The following CTNNA3 variants were observed in gnomAD, a reference collection of about 807,000 sequenced individuals.
CTNNA3 encodes catenin alpha 3.
A neutral mutation model predicts 95.7 loss-of-function variants in CTNNA3; 76 were observed. The observed-to-expected ratio is 0.79, with a 90% CI of 0.66 to 0.96. CTNNA3 has a LOEUF of 0.96. Ranked by LOEUF, CTNNA3 falls within the 40% of genes least tolerant of loss-of-function variation. The pLI is 0.00. For synonymous variants in CTNNA3, 431 were observed against 374.4 expected, an observed-to-expected ratio of 1.15 and a Z score of -1.74; for missense variants, 1,191 against 1,089.8, an observed-to-expected ratio of 1.09 and a Z score of -1.31.
chr10:67,515,859 A>G (rs995533318), intron 5 of CTNNA3, among the ~76,000 whole-genome samples: 3 of 152,206 alleles, frequency 2.0e-5, no homozygotes, highest in Admixed American at 6.5e-5. Context: ...CTAGAAGCTT[A>G]GCACCTCCCC....
intron 17 of CTNNA3, among the ~76,000 whole-genome samples, chr10:65,951,214 A>T (rs1476505373): frequency 6.6e-6 from 1 of 152,158 alleles, no homozygotes; most frequent in Non-Finnish European, 1.5e-5. Flanking sequence ...AGCATAATAT[A>T]ATTTGTCAGT....
At chr10:67,361,290 A>G (rs1322641934) in intron 5 of CTNNA3, among the ~76,000 whole-genome samples, 1 of 152,166 alleles carries the variant, frequency 6.6e-6, no homozygotes, top group Non-Finnish European at 1.5e-5. Context: ...ATAAACATCT[A>G]CAGAATACTC....
intron 7 of CTNNA3, among the ~76,000 whole-genome samples, chr10:66,864,888 T>C (rs1165581427): frequency 1.3e-5 from 2 of 152,022 alleles, no homozygotes; most frequent in Non-Finnish European, 2.9e-5. Flanking sequence ...ATATAAAATG[T>C]CTGTTATAAA....
intron 7 of CTNNA3, among the ~76,000 whole-genome samples, chr10:67,113,869 A>G (rs1271750391): frequency 6.6e-6 from 1 of 152,184 alleles, no homozygotes; most frequent in Non-Finnish European, 1.5e-5. Flanking sequence ...AAATACTTAA[A>G]AAGAATTTTT....
intron 7 of CTNNA3, among the ~76,000 whole-genome samples, chr10:67,038,668 C>T (rs1185552072): frequency 6.6e-6 from 1 of 152,008 alleles, no homozygotes; most frequent in African/African-American, 2.4e-5. Flanking sequence ...GAATTGCTTA[C>T]AAAATTTTCC....
At chr10:66,467,277 C>A (rs1037996851) in intron 11 of CTNNA3, among the ~76,000 whole-genome samples, 18 of 152,058 alleles carry the variant, frequency 1.2e-4, no homozygotes, top group African/African-American at 4.3e-4. Context: ...ACTTAAAACA[C>A]AAGAGAGTAG....
chr10:66,703,744 G>A (rs1186314483), intron 9 of CTNNA3, among the ~76,000 whole-genome samples: 1 of 152,094 alleles, frequency 6.6e-6, no homozygotes, highest in African/African-American at 2.4e-5. Context: ...ATTGTCCTTG[G>A]AATCCTTAAT....
chr10:66,957,382 GTATATATATACATATATATATA>G (rs775892863), intron 7 of CTNNA3, among the ~76,000 whole-genome samples: 383 of 38,226 alleles, frequency 0.01, 16 homozygotes, highest in Middle Eastern at 0.082. Flanking sequence ...ATATGTGTGT[GTATATATATACATATATATATA>G]TATATATATG....
At chr10:67,424,139 A>G (rs918627907) in intron 5 of CTNNA3, among the ~76,000 whole-genome samples, 5 of 152,126 alleles carry the variant, frequency 3.3e-5, no homozygotes, top group Non-Finnish European at 7.4e-5. Context: ...CATTATCTGT[A>G]GGTGTGCGAC....
intron 10 of CTNNA3, among the ~76,000 whole-genome samples, chr10:66,613,664 T>C (rs1047646411): frequency 2.0e-5 from 3 of 152,084 alleles, no homozygotes; most frequent in Admixed American, 6.6e-5. Context: ...TCAATTATTA[T>C]AAGCTTTTTA....
chr10:67,632,312 T>TTTA (rs551582053), intron 2 of CTNNA3, among the ~76,000 whole-genome samples: 8 of 144,282 alleles, frequency 5.5e-5, no homozygotes, highest in African/African-American at 2.0e-4. Flanking sequence ...TTAAATATAT[T>TTTA]AAAAAAAAAA....
At chr10:67,087,772 C>T (rs1857390309) in intron 7 of CTNNA3, among the ~76,000 whole-genome samples, 1 of 151,930 alleles carries the variant, frequency 6.6e-6, no homozygotes, top group Non-Finnish European at 1.5e-5. Flanking sequence ...CTATAAAGCC[C>T]AGTCACCGGG....
intron 7 of CTNNA3, among the ~76,000 whole-genome samples, chr10:66,799,450 T>C (rs984524900): frequency 6.6e-6 from 1 of 151,414 alleles, no homozygotes; most frequent in Non-Finnish European, 1.5e-5. Context: ...AACTGAAAAA[T>C]AGAATATCTG....
rs77347080 is a variant in CTNNA3 at position 67,191,046 on chromosome 10, C to A, written c.844-10526G>T. 0.011 allele frequency among the ~76,000 whole-genome samples: 1,718 copies of A among 152,094 alleles called. 93 individuals are homozygous for A. In the East Asian group the frequency reaches 0.17, roughly 15 times the overall value. On this transcript the variant is annotated intron_variant, in intron 6 of 17. Transcript: ENST00000433211. ...AAAACAGTAATGAGATACCACTACACATCTATTAGAATGGCCAAATTCCAG... is the reference window on the plus strand; with the variant it reads ...AAAACAGTAATGAGATACCACTACAAATCTATTAGAATGGCCAAATTCCAG...
intron 1 of CTNNA3, among the ~76,000 whole-genome samples, chr10:67,713,572 G>C (rs993548264): frequency 2.6e-5 from 4 of 152,132 alleles, no homozygotes; most frequent in African/African-American, 9.7e-5. Context: ...AAGAAAATGT[G>C]GCACATATAC....
intron 5 of CTNNA3, among the ~76,000 whole-genome samples, chr10:67,264,231 C>T (rs1223933854): frequency 6.6e-6 from 1 of 152,082 alleles, no homozygotes; most frequent in Non-Finnish European, 1.5e-5. Flanking sequence ...AGTAACTAGT[C>T]CAAAGCCCTG....
At chr10:65,924,116 T>C (rs1254243531) in intron 17 of CTNNA3, among the ~76,000 whole-genome samples, 1 of 152,190 alleles carries the variant, frequency 6.6e-6, no homozygotes, top group African/African-American at 2.4e-5. Flanking sequence ...TTAAGGCAAA[T>C]GCTTAGCTGA....
intron 5 of CTNNA3, among the ~76,000 whole-genome samples, chr10:67,408,521 C>T (rs535988024): frequency 6.6e-6 from 1 of 152,254 alleles, no homozygotes; most frequent in Admixed American, 6.5e-5. Context: ...TCTGGGAGAA[C>T]TGGCTAGCCC....
intron 11 of CTNNA3, among the ~76,000 whole-genome samples, chr10:66,416,079 G>A (rs7917481): frequency 0.016 from 2,456 of 151,756 alleles, 54 homozygotes; most frequent in African/African-American, 0.056. Flanking sequence ...AACAATTCAG[G>A]ATAAGAATGA....
Sources: gnomAD v4.1 joint callset for allele counts (sites outside exome capture counted in the v4.1 genomes callset) on GRCh38, gnomAD v4.1.1 for gene constraint, MANE v1.5 for transcripts, NCBI Gene and HGNC (gene_info 2026-07-23, HGNC 2026-07-21) for gene names.